Variants in TBC1D14 observed in about 807,000 individuals in gnomAD.
TBC1D14 encodes the protein TBC1 domain family member 14.
A neutral mutation model predicts 79.0 loss-of-function variants in TBC1D14; 26 were observed. That is an observed-to-expected ratio of 0.33 (90% confidence interval 0.24 to 0.46). The LOEUF (loss-of-function observed/expected upper bound fraction) is 0.46. Among genes scored for constraint, TBC1D14 ranks in the 20% least tolerant of loss-of-function variants. The probability of loss-of-function intolerance (pLI) is 1.00; values close to 1 mark genes in which losing one functional copy is unlikely to be tolerated. For synonymous variants in TBC1D14, 394 were observed against 349.9 expected (o/e 1.13, Z -1.40); for missense variants, 769 against 887.6 (o/e 0.87, Z 1.70).
intron 5 of TBC1D14, 103 bp downstream of exon 5, chr4:6,996,510 G>T (rs1217224970): frequency 1.2e-6 from 1 of 822,406 alleles, no homozygotes; most frequent in Non-Finnish European, 1.9e-6. Flanking sequence ...CTGAACTTCA[G>T]TCTTTGAAAT....
chr4:7,008,006 A>G (rs1259258861), intron 9 of TBC1D14, among the ~76,000 whole-genome samples: 1 of 152,192 alleles, frequency 6.6e-6, no homozygotes, highest in Non-Finnish European at 1.5e-5. Flanking sequence ...TTGCCTTCCC[A>G]CTAGCTTTGG....
At chr4:7,004,789 G>T in intron 7 of TBC1D14, 55 bp from the exon 8 acceptor site, 1 of 1,550,446 alleles carries the variant, frequency 6.4e-7, no homozygotes. Flanking sequence ...TTCTGTGGTG[G>T]TTTTGACGAA....
intron 7 of TBC1D14, among the ~76,000 whole-genome samples, chr4:7,003,923 T>A (rs1222298861): frequency 6.6e-6 from 1 of 151,734 alleles, no homozygotes; most frequent in Non-Finnish European, 1.5e-5. Context: ...AAAATTGAGA[T>A]TGAATCTGGG....
chr4:7,029,546 A>G (rs946747587), intron 13 of TBC1D14, among the ~76,000 whole-genome samples: 1 of 152,236 alleles, frequency 6.6e-6, no homozygotes, highest in Non-Finnish European at 1.5e-5. Context: ...TATCTTTTAA[A>G]AGAAGGGTGT....
intron 2 of TBC1D14, among the ~76,000 whole-genome samples, chr4:6,958,351 G>A (rs1195877528): frequency 7.2e-6 from 1 of 139,088 alleles, no homozygotes; most frequent in African/African-American, 3.0e-5. Context: ...GATAGGGTAA[G>A]GGTGATACAC....
intron 2 of TBC1D14, among the ~76,000 whole-genome samples, chr4:6,947,453 G>A (rs188950422): frequency 2.9e-3 from 437 of 151,350 alleles, no homozygotes; most frequent in African/African-American, 9.0e-3. Context: ...AGCCGAGATC[G>A]TGCCACTGCA....
intron 3 of TBC1D14, among the ~76,000 whole-genome samples, chr4:6,977,240 C>A (rs1325673104): frequency 6.8e-6 from 1 of 146,982 alleles, no homozygotes; most frequent in African/African-American, 2.5e-5. Flanking sequence ...CCTGCCTCAG[C>A]CTGCCGAGTG....
At position 6,958,294 on chromosome 4, in the gene TBC1D14, G is replaced by T. The variant is rs529117701; in HGVS notation, c.723-9010G>T. Among the ~76,000 whole-genome samples, 7 of 152,156 alleles carry T rather than the reference G, an allele frequency of 4.6e-5. No homozygotes were observed. In the East Asian group the frequency reaches 1.4e-3, roughly 29 times the overall value. On this transcript the variant is annotated intron_variant, in intron 2 of 13. Transcript: ENST00000409757. ...CTGCTTCATACTGGGGGTCGAGGGGGTTATGTCCCTTGAGCATCCTGACTT... is the reference window on the plus strand; with the variant it reads ...CTGCTTCATACTGGGGGTCGAGGGGTTTATGTCCCTTGAGCATCCTGACTT...
chr4:7,006,328 A>G (rs1051523406), intron 8 of TBC1D14, among the ~76,000 whole-genome samples: 9 of 152,076 alleles, frequency 5.9e-5, no homozygotes, highest in Admixed American at 2.6e-4. Flanking sequence ...TTATTCTCCT[A>G]CTTGTCCTTG....
At chr4:6,911,433 C>T (rs1272882121) in intron 1 of TBC1D14, among the ~76,000 whole-genome samples, 2 of 152,254 alleles carry the variant, frequency 1.3e-5, no homozygotes, top group Non-Finnish European at 2.9e-5. Flanking sequence ...CTGCTCACCT[C>T]GGTATCCTCC....
rs1716568277 is a variant in TBC1D14 at position 6,974,832 on chromosome 4, A to AG, written c.843+7408_843+7409insG. Among the ~76,000 whole-genome samples the AG allele has an allele frequency of 2.0e-5, 3 of 152,288 alleles. No homozygotes were observed. In the South Asian group the frequency reaches 6.2e-4, roughly 32 times the overall value. Reference sequence around the variant, plus strand: ...GAACTAGAATCATCTTTAAAAAAAAAAAATTTCCTCTGAATCAGAATAGGT... The same window carrying AG: ...GAACTAGAATCATCTTTAAAAAAAAAGAAATTTCCTCTGAATCAGAATAGGT... On this transcript the variant is annotated intron_variant, in intron 3 of 13. Transcript: ENST00000409757.
chr4:6,994,886 C>CAGTGT (rs1176090913), intron 4 of TBC1D14, among the ~76,000 whole-genome samples: 1 of 150,274 alleles, frequency 6.7e-6, no homozygotes, highest in African/African-American at 2.4e-5. Context: ...AAAAAAGAAG[C>CAGTGT]AGTGTGTCTT....
At chr4:6,947,914 G>C (rs960278494) in intron 2 of TBC1D14, among the ~76,000 whole-genome samples, 2 of 152,098 alleles carry the variant, frequency 1.3e-5, no homozygotes, top group African/African-American at 4.8e-5. Context: ...CAGACCTTGG[G>C]GATACAAAGA....
At chr4:6,981,657 C>T (rs1717386170) in intron 3 of TBC1D14, among the ~76,000 whole-genome samples, 1 of 152,172 alleles carries the variant, frequency 6.6e-6, no homozygotes, top group Non-Finnish European at 1.5e-5. Flanking sequence ...TCCCATAATA[C>T]ATTAAAAAGT....
chr4:6,988,885 C>T (rs368884469), intron 3 of TBC1D14, among the ~76,000 whole-genome samples: 15 of 76,824 alleles, frequency 2.0e-4, no homozygotes, highest in African/African-American at 5.5e-4. Context: ...TTCTTTCTTT[C>T]TTTTTTTTTT....
chr4:6,944,725 G>T (rs932037620), intron 2 of TBC1D14, among the ~76,000 whole-genome samples: 1 of 152,226 alleles, frequency 6.6e-6, no homozygotes, highest in African/African-American at 2.4e-5. Flanking sequence ...AGAATGCGGG[G>T]ATGTCCAGGT....
chr4:6,968,637 A>C (rs1715916437), intron 3 of TBC1D14, among the ~76,000 whole-genome samples: 2 of 129,762 alleles, frequency 1.5e-5, no homozygotes, highest in Non-Finnish European at 3.4e-5. Context: ...GCATGAGCTA[A>C]GGACAATGTG....
In TBC1D14 at chr4:7,000,315, G is replaced by A. The variant is rs142065869; in HGVS notation, c.1164-830G>A. Among the ~76,000 whole-genome samples, 7 of 152,272 alleles carry A rather than the reference G, an allele frequency of 4.6e-5. No individual in the cohort carries two copies. In the East Asian group the frequency reaches 1.2e-3, roughly 25 times the overall value. ...CAGTTCCCGTCGACTGCACACGGAC[G>A]CTGCCTGGCACTGTTCTCCGTGCTT... On this transcript the variant is annotated intron_variant, in intron 6 of 13. Coordinates refer to ENST00000409757, the MANE Select transcript of TBC1D14 (RefSeq NM_020773.3).
rs116180573 is a variant in TBC1D14 at position 6,911,469 on chromosome 4, T to G, written c.-18+1518T>G. ...GCTGTTCCAGCACTTTGCACCGAGCTGGGCCTGATTCCTGTTTGTGCAACT... is the reference window on the plus strand; with the variant it reads ...GCTGTTCCAGCACTTTGCACCGAGCGGGGCCTGATTCCTGTTTGTGCAACT... On this transcript the variant is annotated intron_variant, in intron 1 of 13. Coordinates refer to ENST00000409757, the MANE Select transcript of TBC1D14 (RefSeq NM_020773.3). 2.4e-3 allele frequency among the ~76,000 whole-genome samples: 373 copies of G among 152,354 alleles called. 3 individuals carry two copies. Among genetic ancestry groups the G allele is most frequent in the African/African-American group, 8.7e-3 (363 of 41,586 alleles).
Sources: gnomAD v4.1 joint callset for allele counts (sites outside exome capture counted in the v4.1 genomes callset) on GRCh38, gnomAD v4.1.1 for gene constraint, MANE v1.5 for transcripts, NCBI Gene and HGNC (gene_info 2026-07-23, HGNC 2026-07-21) for gene names.